The following RTN2 variants were observed in gnomAD, a reference collection of about 807,000 sequenced individuals.
The protein encoded by RTN2 is reticulon-2.
Under a neutral mutation model 63.7 loss-of-function variants are expected in RTN2, and 36 were observed. The ratio of observed to expected loss-of-function variants is 0.56; its 90% CI spans 0.43 to 0.75. The LOEUF (loss-of-function observed/expected upper bound fraction) is 0.75. RTN2 is among the 30% of genes least tolerant of loss of function. RTN2 has a pLI of 0.00. For missense variants in RTN2, 673 were observed against 705.1 expected (o/e 0.95, Z 0.52); for synonymous variants, 312 against 313.0 (o/e 1.00, Z 0.03).
In RTN2 at chr19:45,485,747, T is replaced by C. The variant is rs773526225; in HGVS notation, c.1599A>G (p.Ala533=). The C allele has an allele frequency of 6.2e-7, 1 of 1,613,828 alleles. No individual in the cohort carries two copies. ...CTTTGGATCCGGAGACTGCGGCTGC[T>C]GCAGAGGCCAGGGCTCCGGTCCCTG... ...KIPGTGALAS[A]AAAVSGSKAK... is the part of the protein sequence containing the mutation. The change falls in exon 11 of 11, where the codon GCA becomes GCG. Residue 533 remains alanine, a synonymous_variant. Transcript: ENST00000245923.
intron 5 of RTN2, among the ~76,000 whole-genome samples, chr19:45,490,546 T>TGTGC (rs1256317263): frequency 2.4e-5 from 3 of 122,728 alleles, no homozygotes; most frequent in Non-Finnish European, 5.5e-5. Flanking sequence ...TGTGTGTGTG[T>TGTGC]GTGTGTGTGT....
chr19:45,494,220 G>C lies in RTN2; in HGVS notation c.760C>G (p.Gln254Glu). The C allele has an allele frequency of 6.2e-7, 1 of 1,610,722 alleles. No individual in the cohort carries two copies. The highest frequency in any genetic ancestry group is 8.5e-7 in the Non-Finnish European group (1 of 1,179,988). ...AATTGGTCCGTGCTATCGAGGCACT[G>C]TCCCCTTACTGGCTCTCGCTCCAGT... Reference protein sequence around the residue: ...GPLEREPVRGQCLDSTDQLEF... With the variant: ...GPLEREPVRGECLDSTDQLEF... The change falls in exon 4 of 11, where the codon CAG (glutamine) becomes GAG (glutamate). Residue 254 changes from glutamine to glutamate, a missense_variant. Coordinates refer to ENST00000245923, the MANE Select transcript of RTN2 (RefSeq NM_005619.5). This position sits in a 1 kb window ranked among gnomAD's most constrained non-coding sequence, Gnocchi z 5.3.
In RTN2 at chr19:45,485,667, G is replaced by A. The variant is rs760266287; in HGVS notation, c.*41C>T. The A allele has an allele frequency of 2.0e-6, 3 of 1,528,864 alleles. No homozygotes were observed. Among genetic ancestry groups the A allele is most frequent in the African/African-American group, 1.4e-5 (1 of 73,258 alleles). The allele number at this position is 1,528,864 out of a possible 1,614,324, so 94.7% of individuals were successfully genotyped here. A position where few individuals can be genotyped will look rare whatever the true frequency, so the allele number is the denominator to read the frequency against. ...GAGATGGAGGGGGCCAGAGGGCTGC[G>A]GGGGCTGGGGGCAGGCGTCCTGCGG... On this transcript the variant is annotated 3_prime_UTR_variant, in exon 11 of 11. Coordinates refer to ENST00000245923, the MANE Select transcript of RTN2 (RefSeq NM_005619.5).
intron 7 of RTN2, 32 bp downstream of exon 7, chr19:45,488,816 G>A (rs1194314032): frequency 3.1e-6 from 5 of 1,597,204 alleles, no homozygotes; most frequent in Admixed American, 1.8e-5. Flanking sequence ...GTGAATGGGG[G>A]AACCCAGGAG....
chr19:45,489,405 G>A lies in RTN2; in HGVS notation c.1182C>T (p.Leu394=), dbSNP rs752618262. ...ALLLLCGTIS[L]RVYRKVLQAV... is the part of the protein sequence containing the mutation. ...CCTGCAGCACTTTGCGGTAAACCCT[G>A]AGAGAGATGGTGCCGCAGAGCAGCA... The change falls in exon 6 of 11, where the codon CTC becomes CTT. Residue 394 remains leucine (L), a synonymous_variant. Coordinates refer to ENST00000245923, the MANE Select transcript of RTN2 (RefSeq NM_005619.5). The A allele has an allele frequency of 3.1e-6, 5 of 1,602,728 alleles. No homozygotes were observed. Among genetic ancestry groups the A allele is most frequent in the African/African-American group, 1.3e-5 (1 of 74,812 alleles).
Position 45,485,765 on chromosome 19 carries a change from G to A in RTN2, c.1581C>T (p.Thr527=), listed in dbSNP as rs1968007064. ...KAKIRAKIPG[T]GALASAAAAV... is the part of the protein sequence containing the mutation. ...CGGCTGCTGCAGAGGCCAGGGCTCC[G>A]GTCCCTGGGATTTTAGCTCGGATCC... Residue 527 remains threonine, a synonymous_variant, in exon 11 of 11, where the codon ACC becomes ACT. Transcript: ENST00000245923. The A allele has an allele frequency of 6.2e-7, 1 of 1,613,850 alleles. No individual in the cohort carries two copies. The highest frequency in any genetic ancestry group is 1.1e-5 in the South Asian group (1 of 91,080).
chr19:45,487,519 G>C (rs755118927), intron 9 of RTN2, among the ~76,000 whole-genome samples: 1 of 151,040 alleles, frequency 6.6e-6, no homozygotes, highest in African/African-American at 2.4e-5. Context: ...GCTAATGTCA[G>C]TCTTGTGGGC....
intron 7 of RTN2, 39 bp from the exon 8 acceptor site, chr19:45,488,745 A>T (rs983215019): frequency 8.7e-6 from 14 of 1,606,502 alleles, no homozygotes; most frequent in Non-Finnish European, 1.2e-5. Context: ...CCCACCGGGA[A>T]TTCCCTCTCA....
Position 45,496,842 on chromosome 19 carries a change from G to C in RTN2, c.-17C>G, listed in dbSNP as rs2122233377. Reference sequence around the variant, plus strand: ...CTGCCCCATGGCCCCCCTCGGGCCTGCATCGGGACCCCCGCCCACTCCGGC... The same window carrying C: ...CTGCCCCATGGCCCCCCTCGGGCCTCCATCGGGACCCCCGCCCACTCCGGC... On this transcript the variant is annotated 5_prime_UTR_variant, in exon 1 of 11. Coordinates refer to ENST00000245923, the MANE Select transcript of RTN2 (RefSeq NM_005619.5). The C allele has an allele frequency of 6.8e-7, 1 of 1,470,410 alleles. No homozygotes were observed. 91.1% of individuals were successfully genotyped at this position (1,470,410 alleles called of 1,614,324 possible).
At chr19:45,489,929 C>A (rs1202287429) in intron 5 of RTN2, among the ~76,000 whole-genome samples, 3 of 152,136 alleles carry the variant, frequency 2.0e-5, no homozygotes, top group Non-Finnish European at 2.9e-5. Context: ...TCAAGTTATC[C>A]TCCTGCATCA....
rs997923898 is a variant in RTN2 at position 45,489,226 on chromosome 19, C to T, written c.1241+120G>A. On this transcript the variant is annotated intron_variant, in intron 6 of 10. Coordinates refer to ENST00000245923, the MANE Select transcript of RTN2 (RefSeq NM_005619.5). ...AGGATTGAAGGGTAGGTTAGGGGATCGGGATGAAAAATGATCAAGATGAGT... is the reference window on the plus strand; with the variant it reads ...AGGATTGAAGGGTAGGTTAGGGGATTGGGATGAAAAATGATCAAGATGAGT... 15 of 996,660 alleles carry T rather than the reference C, an allele frequency of 1.5e-5. No individual in the cohort carries two copies. In the African/African-American group the frequency reaches 1.9e-4, roughly 13 times the overall value. The allele number at this position is 996,660 out of a possible 1,614,324, so 61.7% of individuals were successfully genotyped here. A position where few individuals can be genotyped will look rare whatever the true frequency, so the allele number is the denominator to read the frequency against.
chr19:45,486,391 G>A (rs529843420), intron 9 of RTN2, among the ~76,000 whole-genome samples: 1 of 152,240 alleles, frequency 6.6e-6, no homozygotes, highest in South Asian at 2.1e-4. Context: ...GTTAATCTTT[G>A]AGTGAGTTTG....
rs372135117 is a variant in RTN2, at chr19:45,491,532, AT to A, written c.1033+1627del. On this transcript the variant is annotated intron_variant, in intron 5 of 10. Coordinates refer to ENST00000245923, the MANE Select transcript of RTN2 (RefSeq NM_005619.5). ...TGAGCTGCCATGCCTGGCCTGGCTA[AT>A]TTTTTTTTTTTTTTTTGAGGCAGAA... is the stretch of plus-strand genomic sequence containing the variant. 3.1e-3 allele frequency among the ~76,000 whole-genome samples: 383 copies of A among 125,480 alleles called. 1 individual carries two copies. Among genetic ancestry groups the A allele is most frequent in the African/African-American group, 3.1e-3 (100 of 32,740 alleles). 82.3% of individuals were successfully genotyped at this position (125,480 alleles called of 152,430 possible).
At chr19:45,485,983 CGA>C (rs1968012588) in intron 10 of RTN2, 70 bp downstream of exon 10, 1 of 1,465,136 alleles carries the variant, frequency 6.8e-7, no homozygotes, top group African/African-American at 1.4e-5. Context: ...TTGCGGACAG[CGA>C]GAGTAGAAAG....
At chr19:45,496,013 G>A (rs1165213010) in intron 1 of RTN2, among the ~76,000 whole-genome samples, 1 of 152,218 alleles carries the variant, frequency 6.6e-6, no homozygotes, top group African/African-American at 2.4e-5. Context: ...ATCCCCAGCT[G>A]TCAGAACCCC....
At position 45,494,530 on chromosome 19, in the gene RTN2, C is replaced by T. The variant is rs149317318; in HGVS notation, c.555G>A (p.Gly185=). ...EPNRLETGEA[G]EELDLRLRLA... The stretch of plus-strand genomic sequence containing the variant: ...CCAGCACCTCGGACATCTCACCTTC[C>T]CCAGCTTCTCCTGTCTCCAATCTGT... The change falls in exon 3 of 11, where the codon GGG becomes GGA. Residue 185 remains glycine, a synonymous_variant. Transcript: ENST00000245923. The surrounding 1 kb of genome is among the most constrained non-coding windows in gnomAD (Gnocchi z 5.3). 13 of 1,612,672 alleles carry T rather than the reference C, an allele frequency of 8.1e-6. No homozygotes were observed. The African/African-American group carries it at 1.6e-4, about 20-fold the overall frequency.
intron 9 of RTN2, 45 bp from the exon 10 acceptor site, chr19:45,486,158 C>T: frequency 1.9e-6 from 3 of 1,577,794 alleles, no homozygotes; most frequent in Non-Finnish European, 2.6e-6. Flanking sequence ...GGAGGGGTTT[C>T]TTCTCTTTAG....
chr19:45,485,444 C>T lies in RTN2; in HGVS notation c.*264G>A. Reference sequence around the variant, plus strand: ...GCGGGTCCGGAAGTGCAGGGTGGTGCCCTGTCTAGGCAACTACAAGTCCCA... The same window carrying T: ...GCGGGTCCGGAAGTGCAGGGTGGTGTCCTGTCTAGGCAACTACAAGTCCCA... On this transcript the variant is annotated 3_prime_UTR_variant, in exon 11 of 11. Transcript: ENST00000245923. 1 of 509,094 alleles carries T rather than the reference C, an allele frequency of 2.0e-6. No homozygotes were observed. Among genetic ancestry groups the T allele is most frequent in the Non-Finnish European group, 3.6e-6 (1 of 281,586 alleles). The allele number at this position is 509,094 out of a possible 1,614,324, so 31.5% of individuals were successfully genotyped here.
chr19:45,485,378 T>G lies in RTN2; in HGVS notation c.*330A>C. 2.9e-6 allele frequency: 1 copy of G among 342,588 alleles called. No individual in the cohort carries two copies. Among genetic ancestry groups the G allele is most frequent in the Non-Finnish European group, 5.5e-6 (1 of 182,500 alleles). The allele number at this position is 342,588 out of a possible 1,614,324, so 21.2% of individuals were successfully genotyped here. A position where few individuals can be genotyped will look rare whatever the true frequency, so the allele number is the denominator to read the frequency against. On this transcript the variant is annotated 3_prime_UTR_variant, in exon 11 of 11. Coordinates refer to ENST00000245923, the MANE Select transcript of RTN2 (RefSeq NM_005619.5). The stretch of plus-strand genomic sequence containing the variant: ...TGCAAAGCCCCGGCGTTGGGGCTAG[T>G]AGCATCCAGGAGACACCAACGCCTC...
Sources: allele counts gnomAD v4.1 joint callset (sites outside exome capture counted in the v4.1 genomes callset), GRCh38; gene constraint gnomAD v4.1.1; non-coding constraint Gnocchi (gnomAD v3.1); transcripts MANE v1.5; gene names NCBI Gene and HGNC (gene_info 2026-07-23, HGNC 2026-07-21).